The following NHSL2 variants were observed in gnomAD, a reference collection of about 807,000 sequenced individuals.
The protein encoded by NHSL2 is NHS like 2.
NHSL2 carries 27 observed loss-of-function variants against 53.4 expected under a neutral mutation model. The observed-to-expected ratio is 0.51, with a 90% CI of 0.37 to 0.70. The LOEUF is 0.70. Ranked by LOEUF, NHSL2 falls within the 30% of genes least tolerant of loss-of-function variation. The pLI, the probability that NHSL2 is intolerant of heterozygous loss-of-function variation, is 0.00. For synonymous variants in NHSL2, 408 were observed against 404.1 expected, an observed-to-expected ratio of 1.01 and a Z score of -0.12; for missense variants, 892 against 980.1, an observed-to-expected ratio of 0.91 and a Z score of 1.20.
intron 1 of NHSL2, among the ~76,000 whole-genome samples, chrX:71,935,780 G>T: frequency 1.8e-5 from 2 of 112,469 alleles, no homozygotes; most frequent in Non-Finnish European, 3.8e-5. Flanking sequence ...GAGGCAGGGA[G>T]GGGTGAGCCT....
intron 1 of NHSL2, among the ~76,000 whole-genome samples, chrX:71,969,965 GT>G (rs1201255849): frequency 9.0e-6 from 1 of 111,677 alleles, no homozygotes; most frequent in East Asian, 2.8e-4. Context: ...TATGTTGAGT[GT>G]TTTTATCATA....
chrX:72,002,350 T>C (rs184187372), intron 1 of NHSL2, among the ~76,000 whole-genome samples: 31 of 112,815 alleles, frequency 2.7e-4, no homozygotes, highest in African/African-American at 9.3e-4. Flanking sequence ...AAAGAAACTT[T>C]ATTTTGAATT....
At position 72,147,917 on chromosome X, in the gene NHSL2, A is replaced by G. The variant is rs182299585; in HGVS notation, c.*4343A>G. The G allele has an allele frequency of 4.4e-5, 5 of 112,787 alleles. 1 individual carries two copies. In the Admixed American group the frequency reaches 4.7e-4, roughly 11 times the overall value. The allele number at this position is 112,787 out of a possible 1,213,427, so 9.3% of individuals were successfully genotyped here. A position where few individuals can be genotyped will look rare whatever the true frequency, so the allele number is the denominator to read the frequency against. On this transcript the variant is annotated 3_prime_UTR_variant, in exon 8 of 8. Transcript: ENST00000633930. ...AATGAAGTTCTACTTGCAGAATGTT[A>G]GGCATCAACTAGTTGTAGAAGTGTA...
At chrX:71,994,762 G>A (rs768854237) in intron 1 of NHSL2, among the ~76,000 whole-genome samples, 32 of 111,764 alleles carry the variant, frequency 2.9e-4, no homozygotes, top group African/African-American at 9.1e-4. Flanking sequence ...GAGCCTCCAC[G>A]TGTTAGACAG....
At chrX:72,073,853 C>T (rs2041720020) in intron 1 of NHSL2, among the ~76,000 whole-genome samples, 1 of 112,302 alleles carries the variant, frequency 8.9e-6, no homozygotes, top group Admixed American at 9.4e-5. Context: ...AAGGAGGGGT[C>T]TGGGCTTGCT....
intron 6 of NHSL2, among the ~76,000 whole-genome samples, chrX:72,141,584 A>G (rs2042418908): frequency 9.0e-6 from 1 of 111,256 alleles, no homozygotes; most frequent in Non-Finnish European, 1.9e-5. Context: ...CCACCATTCT[A>G]CTTTCTGTCT....
intron 4 of NHSL2, among the ~76,000 whole-genome samples, chrX:72,135,001 C>A (rs190004140): frequency 8.9e-6 from 1 of 112,561 alleles, no homozygotes; most frequent in East Asian, 2.8e-4. Context: ...CTTCAGAGCA[C>A]TTATGGAAAC....
At chrX:71,951,542 T>C (rs1213668977) in intron 1 of NHSL2, among the ~76,000 whole-genome samples, 1 of 112,286 alleles carries the variant, frequency 8.9e-6, no homozygotes, top group African/African-American at 3.2e-5. Context: ...TTCTTGTGTT[T>C]CTGGTAATGT....
intron 1 of NHSL2, among the ~76,000 whole-genome samples, chrX:72,021,701 A>G: frequency 9.0e-6 from 1 of 111,690 alleles, no homozygotes; most frequent in East Asian, 2.8e-4. Flanking sequence ...AAGGTCATTC[A>G]GGGAGTCAGG....
At chrX:71,992,202 G>A (rs2042030662) in intron 1 of NHSL2, among the ~76,000 whole-genome samples, 1 of 112,890 alleles carries the variant, frequency 8.9e-6, no homozygotes, top group Non-Finnish European at 1.9e-5. Context: ...CAAAGTGGAA[G>A]CACTGATGAC....
At chrX:71,978,804 C>T (rs755968270) in intron 1 of NHSL2, among the ~76,000 whole-genome samples, 29 of 102,150 alleles carry the variant, frequency 2.8e-4, no homozygotes, top group African/African-American at 9.9e-4. Flanking sequence ...GGTACATGTG[C>T]ACAACGTGCA....
intron 1 of NHSL2, among the ~76,000 whole-genome samples, chrX:72,086,849 GAGTTAAACATAGAATTACCTTGAAA>G (rs745341216): frequency 3.3e-3 from 364 of 111,720 alleles, no homozygotes; most frequent in Non-Finnish European, 5.6e-3. Flanking sequence ...AAAGATACGA[GAGTTAAACATAGAATTACCTTGAAA>G]AGTTAAACAT....
chrX:72,141,993 A>G (rs888232798), intron 6 of NHSL2, among the ~76,000 whole-genome samples: 17 of 111,850 alleles, frequency 1.5e-4, no homozygotes, highest in Non-Finnish European at 3.2e-4. Flanking sequence ...GCCACCTGTT[A>G]TAATGACAAA....
intron 1 of NHSL2, among the ~76,000 whole-genome samples, chrX:72,087,357 G>A (rs907720289): frequency 8.9e-6 from 1 of 112,117 alleles, no homozygotes; most frequent in Admixed American, 9.4e-5. Flanking sequence ...GCCTAGGAGA[G>A]GGAGAAATAG....
Position 72,137,130 on chromosome X carries a change from C to G in NHSL2, c.797C>G (p.Ser266Trp), listed in dbSNP as rs984063288. 8.6e-6 allele frequency: 10 copies of G among 1,163,714 alleles called. No individual in the cohort carries two copies. The highest frequency in any genetic ancestry group is 1.8e-5 in the African/African-American group (1 of 55,825). Reference sequence around the variant, plus strand: ...GATAAACATGCAAGTTTGCGACACTCGTTGTTTAACACAGAGACAGCCGTG... The same window carrying G: ...GATAAACATGCAAGTTTGCGACACTGGTTGTTTAACACAGAGACAGCCGTG... ...QFDKHASLRH[S>W]LFNTETAVNP... The change falls in exon 5 of 8, where the codon TCG becomes TGG. Residue 266 changes from serine to tryptophan, a missense_variant. Transcript: ENST00000633930.
chrX:72,000,559 T>G (rs1389091169), intron 1 of NHSL2, among the ~76,000 whole-genome samples: 3 of 112,289 alleles, frequency 2.7e-5, no homozygotes, highest in Non-Finnish European at 1.9e-5. Context: ...ATCAAGATGC[T>G]AGCAGGGCTG....
chrX:72,073,054 T>C (rs1246445054), intron 1 of NHSL2, among the ~76,000 whole-genome samples: 2 of 112,000 alleles, frequency 1.8e-5, no homozygotes, highest in African/African-American at 3.2e-5. Context: ...GAAGATGCGA[T>C]GTGAGATAGC....
At chrX:72,056,522 T>C (rs1000260884) in intron 1 of NHSL2, among the ~76,000 whole-genome samples, 2 of 110,773 alleles carry the variant, frequency 1.8e-5, no homozygotes, top group Non-Finnish European at 3.8e-5. Context: ...CTTCATAATA[T>C]ATGTATTTGT....
chrX:72,000,717 C>T (rs2042068999), intron 1 of NHSL2, among the ~76,000 whole-genome samples: 1 of 111,813 alleles, frequency 8.9e-6, no homozygotes, highest in African/African-American at 3.3e-5. Flanking sequence ...CTATACATCT[C>T]CTTCTCTGAC....
Sources: gnomAD v4.1 joint callset for allele counts (sites outside exome capture counted in the v4.1 genomes callset) on GRCh38, gnomAD v4.1.1 for gene constraint, MANE v1.5 for transcripts, NCBI Gene and HGNC (gene_info 2026-07-23, HGNC 2026-07-21) for gene names.